The following ZNF846 variants were observed in gnomAD, a reference collection of about 807,000 sequenced individuals.
The protein encoded by ZNF846 is zinc finger protein 846.
A neutral mutation model predicts 16.0 loss-of-function variants in ZNF846; 15 were observed. The ratio of observed to expected loss-of-function variants is 0.94; its 90% CI spans 0.63 to 1.45. ZNF846 has a LOEUF of 1.45. ZNF846 is among the 40% of genes most tolerant of loss of function. The pLI is 0.00. For synonymous variants in ZNF846, 229 were observed against 212.0 expected (o/e 1.08, Z -0.70); for missense variants, 714 against 622.3 (o/e 1.15, Z -1.57).
At chr19:9,782,857 A>G (rs534244444) in intron 1 of ZNF846, among the ~76,000 whole-genome samples, 1 of 152,302 alleles carries the variant, frequency 6.6e-6, no homozygotes, top group East Asian at 1.9e-4. Flanking sequence ...CTCAAAATGC[A>G]CACCTGTGGC....
At chr19:9,764,980 C>G in exon 2 of ZNF846, 1 of 1,613,838 alleles carries the variant, frequency 6.2e-7, no homozygotes, top group South Asian at 1.1e-5. Context: ...CAGCCACTAG[C>G]CTTGGCTTCT....
chr19:9,776,917 A>G (rs924495430), intron 1 of ZNF846, among the ~76,000 whole-genome samples: 1 of 151,846 alleles, frequency 6.6e-6, no homozygotes, highest in Non-Finnish European at 1.5e-5. Flanking sequence ...CCTAGTGGGA[A>G]GTTTCTAAAT....
rs1411335679 is a variant in ZNF846, at chr19:9,762,068, G to T, written c.229+14C>A. The T allele has an allele frequency of 3.1e-6, 5 of 1,610,788 alleles. No homozygotes were observed. Among genetic ancestry groups the T allele is most frequent in the Non-Finnish European group, 4.2e-6 (5 of 1,177,236 alleles). ...ACAGCAGTGCCATAATACCACATCT[G>T]CTTATGAACTCACCCTGCAGAACTC... On this transcript the variant is annotated intron_variant, in intron 4 of 5. Coordinates refer to ENST00000397902, the Ensembl canonical transcript of ZNF846.
At chr19:9,756,343 GTGTATATATA>G (rs1297730344), downstream of ZNF846, 1,001 of 71,126 alleles carry the variant, frequency 0.014, 12 homozygotes, top group Middle Eastern at 0.051. Flanking sequence ...GTGTGTGTGT[GTGTATATATA>G]TATATATATA....
chr19:9,758,773 A>G lies in ZNF846; in HGVS notation c.313-9T>C, dbSNP rs375397402. On this transcript the variant is annotated splice_polypyrimidine_tract_variant and intron_variant, in intron 5 of 5. Transcript: ENST00000397902. The stretch of plus-strand genomic sequence containing the variant: ...GCAGTATTGCTTCTCTCCTGTTGAG[A>G]TATAAAAGATGAATAAAGAATTTCT... The G allele has an allele frequency of 7.2e-6, 11 of 1,528,746 alleles. No homozygotes were observed. The highest frequency in any genetic ancestry group is 8.8e-6 in the Non-Finnish European group (10 of 1,140,450). The allele number at this position is 1,528,746 out of a possible 1,614,324, so 94.7% of individuals were successfully genotyped here. A position where few individuals can be genotyped will look rare whatever the true frequency, so the allele number is the denominator to read the frequency against.
chr19:9,751,630 G>A (rs534776732), downstream of ZNF846, among the ~76,000 whole-genome samples: 1 of 147,704 alleles, frequency 6.8e-6, no homozygotes, highest in East Asian at 1.9e-4. Context: ...TACACCCTCC[G>A]CGCCCTTGTG....
downstream of ZNF846, chr19:9,756,370 T>TATATAA (rs1381937878): frequency 5.3e-5 from 7 of 133,030 alleles, no homozygotes; most frequent in Non-Finnish European, 1.1e-4. Context: ...TATATATATA[T>TATATAA]ATATATATAT....
At chr19:9,782,947 G>T (rs2045516539) in intron 1 of ZNF846, among the ~76,000 whole-genome samples, 2 of 151,186 alleles carry the variant, frequency 1.3e-5, no homozygotes. Flanking sequence ...TAAGAGACAG[G>T]GTCTTGCTCT....
chr19:9,753,714 A>G (rs192921242), downstream of ZNF846, among the ~76,000 whole-genome samples: 2 of 151,700 alleles, frequency 1.3e-5, no homozygotes, highest in East Asian at 1.9e-4. Flanking sequence ...GTATTTGTGA[A>G]TTTTCCAGTT....
chr19:9,758,762 C>G, exon 6 of ZNF846: 1 of 1,547,358 alleles, frequency 6.5e-7, no homozygotes, highest in Non-Finnish European at 8.7e-7. Context: ...TATTGCTTCT[C>G]TCCTGTTGAG....
chr19:9,767,099 T>C (rs907544786), intron 1 of ZNF846, among the ~76,000 whole-genome samples: 3 of 151,908 alleles, frequency 2.0e-5, no homozygotes, highest in African/African-American at 4.8e-5. Context: ...AGTGCTGGGA[T>C]TACAGGGGTG....
upstream of ZNF846, among the ~76,000 whole-genome samples, chr19:9,771,157 ATTCT>A (rs935054284): frequency 4.0e-5 from 6 of 151,128 alleles, no homozygotes; most frequent in Non-Finnish European, 7.4e-5. Flanking sequence ...CCCAAAGTGC[ATTCT>A]TTCTTTCTAT....
chr19:9,758,386 A>G (rs1274066995), exon 6 of ZNF846: 7 of 1,613,162 alleles, frequency 4.3e-6, no homozygotes, highest in Non-Finnish European at 5.9e-6. Context: ...GCTTTCCCAC[A>G]TTCCTTACAT....
In ZNF846 at chr19:9,764,960, A is replaced by T. The variant is rs1599391021; in HGVS notation, c.-10T>A. On this transcript the variant is annotated 5_prime_UTR_variant, in exon 2 of 6. It removes an upstream start codon present in the reference 5' UTR. Transcript: ENST00000397902. ...CCTGAGAAGAATCCATCAGTAATCCATCAGTAACCCAGCCACTAGCCTTGG... is the reference window on the plus strand; with the variant it reads ...CCTGAGAAGAATCCATCAGTAATCCTTCAGTAACCCAGCCACTAGCCTTGG... 1 of 1,614,068 alleles carries T rather than the reference A, an allele frequency of 6.2e-7. No homozygotes were observed. The highest frequency in any genetic ancestry group is 1.3e-5 in the African/African-American group (1 of 74,926).
intron 1 of ZNF846, among the ~76,000 whole-genome samples, chr19:9,777,287 C>T (rs2045455890): frequency 1.3e-5 from 2 of 151,516 alleles, no homozygotes; most frequent in South Asian, 4.2e-4. Context: ...AGCTGTGATC[C>T]TGCCACTGCA....
intron 1 of ZNF846, among the ~76,000 whole-genome samples, chr19:9,781,034 T>C (rs946455518): frequency 6.6e-6 from 1 of 152,252 alleles, no homozygotes; most frequent in South Asian, 2.1e-4. Flanking sequence ...ACTTGGCTTC[T>C]GCATTCATAT....
intron 1 of ZNF846, chr19:9,774,993 C>A: frequency 1.3e-6 from 2 of 1,593,722 alleles, no homozygotes; most frequent in Non-Finnish European, 1.7e-6. Flanking sequence ...CAAGTGTAAG[C>A]AGAGGCCCCA....
At chr19:9,762,759 C>T (rs569494334) in intron 3 of ZNF846, among the ~76,000 whole-genome samples, 9 of 152,262 alleles carry the variant, frequency 5.9e-5, no homozygotes, top group South Asian at 4.1e-4. Flanking sequence ...CTAACACTAA[C>T]GATCGCTGAT....
At chr19:9,774,707 A>C (rs1485185321) in intron 1 of ZNF846, 1 of 1,520,286 alleles carries the variant, frequency 6.6e-7, no homozygotes, top group Admixed American at 1.7e-5. Flanking sequence ...GATCACATTT[A>C]AAACAAAGAT....
Sources: allele counts gnomAD v4.1 joint callset (sites outside exome capture counted in the v4.1 genomes callset), GRCh38; gene constraint gnomAD v4.1.1; transcripts MANE v1.5; gene names NCBI Gene and HGNC (gene_info 2026-07-23, HGNC 2026-07-21).